Variants in XKR7 observed in about 807,000 individuals in gnomAD.
XKR7 encodes the protein XK-related protein 7.
XKR7 carries 11 observed loss-of-function variants against 42.2 expected under a neutral mutation model. The ratio of observed to expected loss-of-function variants is 0.26; its 90% CI spans 0.16 to 0.43. XKR7 has a LOEUF of 0.43. Among genes scored for constraint, XKR7 ranks in the 20% least tolerant of loss-of-function variants. The pLI is 1.00. For missense variants in XKR7, 710 were observed against 802.2 expected, an observed-to-expected ratio of 0.89 and a Z score of 1.39; for synonymous variants, 346 against 366.4, an observed-to-expected ratio of 0.94 and a Z score of 0.64.
Position 31,968,243 on chromosome 20 carries a change from C to T in XKR7, c.68C>T (p.Ala23Val). ...SPDPEGAAGG[A>V]RGSAGGRGEA... is the part of the protein sequence containing the mutation. ...GACCCGGAGGGGGCTGCCGGTGGAG[C>T]CCGGGGCAGTGCCGGCGGGCGCGGG... The change falls in exon 1 of 3, where the codon GCC becomes GTC. Residue 23 changes from alanine (A) to valine (V), a missense_variant. Coordinates refer to ENST00000562532, the MANE Select transcript of XKR7 (RefSeq NM_001011718.2). This position sits in a 1 kb window ranked among gnomAD's most constrained non-coding sequence, Gnocchi z 4.5. The T allele has an allele frequency of 8.7e-7, 1 of 1,142,974 alleles. No homozygotes were observed. Among genetic ancestry groups the T allele is most frequent in the Non-Finnish European group, 1.1e-6 (1 of 931,400 alleles). The allele number at this position is 1,142,974 out of a possible 1,614,324, so 70.8% of individuals were successfully genotyped here.
At chr20:31,976,565 A>G (rs2064486265) in intron 1 of XKR7, among the ~76,000 whole-genome samples, 1 of 152,002 alleles carries the variant, frequency 6.6e-6, no homozygotes, top group Non-Finnish European at 1.5e-5. Context: ...TTGTATTTTT[A>G]GTAGAAACGG....
intron 1 of XKR7, among the ~76,000 whole-genome samples, chr20:31,991,274 C>G (rs769321989): frequency 6.6e-6 from 1 of 152,122 alleles, no homozygotes; most frequent in Non-Finnish European, 1.5e-5. Context: ...ACCAGCTGGT[C>G]TCTCCTTCCT....
At chr20:31,990,783 T>C (rs915973982) in intron 1 of XKR7, among the ~76,000 whole-genome samples, 10 of 152,246 alleles carry the variant, frequency 6.6e-5, no homozygotes, top group Non-Finnish European at 1.5e-4. Context: ...GCCAATTTTT[T>C]TTTTTCAGGC....
intron 1 of XKR7, among the ~76,000 whole-genome samples, chr20:31,982,275 G>A (rs547800251): frequency 6.6e-6 from 1 of 152,128 alleles, no homozygotes; most frequent in South Asian, 2.1e-4. Context: ...AATCCCAGTA[G>A]TTTGGGAGGC....
At position 31,997,794 on chromosome 20, in the gene XKR7, T is replaced by G; in HGVS notation, c.*337T>G. Reference sequence around the variant, plus strand: ...TGCCCATGTGTTGCCCCTGCTGGACTTGCCAGAGAAAGGGCACTGTCTGGG... The same window carrying G: ...TGCCCATGTGTTGCCCCTGCTGGACGTGCCAGAGAAAGGGCACTGTCTGGG... On this transcript the variant is annotated 3_prime_UTR_variant, in exon 3 of 3. Transcript: ENST00000562532. 3.3e-6 allele frequency: 1 copy of G among 301,198 alleles called. No individual in the cohort carries two copies. The highest frequency in any genetic ancestry group is 6.2e-6 in the Non-Finnish European group (1 of 161,006). The allele number at this position is 301,198 out of a possible 1,614,324, so 18.7% of individuals were successfully genotyped here. A position where few individuals can be genotyped will look rare whatever the true frequency, so the allele number is the denominator to read the frequency against.
chr20:31,972,381 A>G (rs1029278010), intron 1 of XKR7, among the ~76,000 whole-genome samples: 2 of 152,192 alleles, frequency 1.3e-5, no homozygotes, highest in South Asian at 2.1e-4. Flanking sequence ...TGCCAGAACA[A>G]TATCTTTGTG....
intron 1 of XKR7, among the ~76,000 whole-genome samples, chr20:31,972,008 A>C (rs879263766): frequency 2.6e-5 from 4 of 152,236 alleles, no homozygotes; most frequent in Non-Finnish European, 5.9e-5. Context: ...TGTCAACCAA[A>C]GGAAACATAT....
Position 31,997,618 on chromosome 20 carries a change from C to A in XKR7, c.*161C>A. On this transcript the variant is annotated 3_prime_UTR_variant, in exon 3 of 3. Transcript: ENST00000562532. The stretch of plus-strand genomic sequence containing the variant: ...GGGTTCTTTCAGGGGAGGGGGCAGC[C>A]TTGCGGAGGCCCCAGCCCTGGGCCC... The A allele has an allele frequency of 1.4e-6, 1 of 695,066 alleles. No homozygotes were observed. Among genetic ancestry groups the A allele is most frequent in the Non-Finnish European group, 2.3e-6 (1 of 427,130 alleles). 43.1% of individuals were successfully genotyped at this position (695,066 alleles called of 1,614,324 possible).
At position 31,968,461 on chromosome 20, in the gene XKR7, T is replaced by TTCGTGCTCCTGCCCTCGCTGG. The variant is rs1215544649; in HGVS notation, c.293_313dup (p.Leu98_Val104dup). On this transcript the variant is annotated inframe_insertion, in exon 1 of 3. Transcript: ENST00000562532. This position sits in a 1 kb window ranked among gnomAD's most constrained non-coding sequence, Gnocchi z 4.5. ...CACCTACTTCAGCCTCACCTTGCTG[T>TTCGTGCTCCTGCCCTCGCTGG]TCGTGCTCCTGCCCTCGCTGGTCGT... The TTCGTGCTCCTGCCCTCGCTGG allele has an allele frequency of 6.2e-7, 1 of 1,614,024 alleles. No individual in the cohort carries two copies. The highest frequency in any genetic ancestry group is 8.5e-7 in the Non-Finnish European group (1 of 1,179,932).
chr20:31,980,864 C>T (rs1224187538), intron 1 of XKR7, among the ~76,000 whole-genome samples: 1 of 151,542 alleles, frequency 6.6e-6, no homozygotes, highest in African/African-American at 2.4e-5. Flanking sequence ...GAGTTCGAGA[C>T]CAGCCTGGGC....
At chr20:31,979,585 A>G (rs912334524) in intron 1 of XKR7, among the ~76,000 whole-genome samples, 2 of 152,206 alleles carry the variant, frequency 1.3e-5, no homozygotes, top group Admixed American at 6.5e-5. Context: ...GACAGGCCAC[A>G]TAGTTCCCCA....
chr20:31,970,555 T>C (rs1223688992), intron 1 of XKR7: 1 of 152,212 alleles, frequency 6.6e-6, no homozygotes, highest in East Asian at 1.9e-4. Flanking sequence ...GATAAGTTTG[T>C]AGGGATAACA....
At chr20:31,981,963 C>G (rs1434573853) in intron 1 of XKR7, among the ~76,000 whole-genome samples, 1 of 152,212 alleles carries the variant, frequency 6.6e-6, no homozygotes, top group East Asian at 1.9e-4. Context: ...CTCTAGAAAG[C>G]CTTCCCTGAC....
At position 31,996,968 on chromosome 20, in the gene XKR7, GGTCT is replaced by G; in HGVS notation, c.1253_1256del (p.Val418AlafsTer2). On this transcript the variant is annotated frameshift_variant, in exon 3 of 3. Transcript: ENST00000562532. LOFTEE classifies it high-confidence loss of function. ...CAACCGACTTCTACTCGCTCATCAT[GGTCT>G]GCGTAGTGGCCTCCAGCTTTGCGCT... 1 of 1,614,130 alleles carries G rather than the reference GGTCT, an allele frequency of 6.2e-7. No homozygotes were observed. The highest frequency in any genetic ancestry group is 8.5e-7 in the Non-Finnish European group (1 of 1,180,032).
At chr20:31,993,268 G>A (rs2064577790) in intron 1 of XKR7, among the ~76,000 whole-genome samples, 1 of 152,176 alleles carries the variant, frequency 6.6e-6, no homozygotes, top group Admixed American at 6.5e-5. Context: ...GGCAGGGTCT[G>A]TAGCTGCAGG....
intron 1 of XKR7, among the ~76,000 whole-genome samples, 158 bp from the exon 2 acceptor site, chr20:31,994,910 C>T (rs1184293918): frequency 6.6e-6 from 1 of 152,218 alleles, no homozygotes; most frequent in Non-Finnish European, 1.5e-5. Context: ...ACAGCAGCCT[C>T]ATAAGGTGAT....
chr20:31,984,772 C>T (rs1293678491), intron 1 of XKR7, among the ~76,000 whole-genome samples: 3 of 152,176 alleles, frequency 2.0e-5, no homozygotes, highest in Non-Finnish European at 2.9e-5. Context: ...GAAGCTGCCA[C>T]GTAGGCAGCC....
At chr20:31,978,990 C>T (rs1842896007) in intron 1 of XKR7, among the ~76,000 whole-genome samples, 1 of 151,992 alleles carries the variant, frequency 6.6e-6, no homozygotes, top group African/African-American at 2.4e-5. Flanking sequence ...CAAAAATTAG[C>T]TGGGCATGGT....
At chr20:31,986,927 G>A (rs1444306272) in intron 1 of XKR7, among the ~76,000 whole-genome samples, 1 of 134,996 alleles carries the variant, frequency 7.4e-6, no homozygotes, top group Non-Finnish European at 1.6e-5. Flanking sequence ...CCAAGACACA[G>A]ACAAACAGAC....
Sources: gnomAD v4.1 joint callset for allele counts (sites outside exome capture counted in the v4.1 genomes callset) on GRCh38, gnomAD v4.1.1 for gene constraint, Gnocchi (gnomAD v3.1) non-coding constraint, MANE v1.5 for transcripts, NCBI Gene and HGNC (gene_info 2026-07-23, HGNC 2026-07-21) for gene names.